ADGRV1: variants seen among roughly 807,000 people sequenced by gnomAD.
ADGRV1 encodes G-protein coupled receptor 98.
Under a neutral mutation model 596.2 loss-of-function variants are expected in ADGRV1, and 359 were observed. The ratio of observed to expected loss-of-function variants is 0.60; its 90% CI spans 0.55 to 0.66. The LOEUF is 0.66. Among genes scored for constraint, ADGRV1 ranks in the 30% least tolerant of loss-of-function variants. ADGRV1 has a pLI of 0.00. For missense variants in ADGRV1, 7,274 were observed against 7,575.6 expected (o/e 0.96, Z 1.48); for synonymous variants, 2,681 against 2,679.2 (o/e 1.00, Z -0.02).
rs1554139681 is a variant in ADGRV1 at position 90,863,778 on chromosome 5, C to T, written c.17777C>T (p.Ser5926Phe). ...ACAGGTCTTTGCTTGGCTGTTCTTT[C>T]CCATATCTTCTGTGCCAGGTACTCC... is the stretch of plus-strand genomic sequence containing the variant. Reference protein sequence around the residue: ...CISGLCLAVLSHIFCARYSMF... With the variant: ...CISGLCLAVLFHIFCARYSMF... Residue 5926 changes from serine to phenylalanine, a missense_variant, in exon 83 of 90, where the codon TCC (serine) becomes TTC (phenylalanine). By Grantham distance (155) the Ser-to-Phe change is radical. Transcript: ENST00000405460. 6.2e-7 allele frequency: 1 copy of T among 1,613,140 alleles called. No homozygotes were observed. The highest frequency in any genetic ancestry group is 1.1e-5 in the South Asian group (1 of 91,064).
At chr5:90,688,120 G>A (rs1483269956) in intron 29 of ADGRV1, among the ~76,000 whole-genome samples, 1 of 152,048 alleles carries the variant, frequency 6.6e-6, no homozygotes, top group Admixed American at 6.6e-5. Flanking sequence ...AAAGCTGGAG[G>A]CATCACGCTA....
chr5:90,777,138 T>C (rs1446496263), intron 61 of ADGRV1, among the ~76,000 whole-genome samples: 1 of 152,100 alleles, frequency 6.6e-6, no homozygotes, highest in African/African-American at 2.4e-5. Flanking sequence ...AACTTACAAT[T>C]ATGGCAGAAG....
At chr5:90,569,282 G>A (rs1239938847) in intron 1 of ADGRV1, among the ~76,000 whole-genome samples, 2 of 142,444 alleles carry the variant, frequency 1.4e-5, no homozygotes, top group Non-Finnish European at 3.0e-5. Flanking sequence ...TTCAGTATGA[G>A]TTTTGGAGAG....
intron 83 of ADGRV1, chr5:90,931,063 G>A (rs900111026): frequency 6.6e-6 from 1 of 152,208 alleles, no homozygotes; most frequent in Non-Finnish European, 1.5e-5. Context: ...AAGATTTGTA[G>A]ATTTTTTTAT....
rs75917359 is a variant in ADGRV1 at position 90,700,810 on chromosome 5, G to A, written c.8156-2855G>A. Among the ~76,000 whole-genome samples the A allele has an allele frequency of 5.9e-3, 892 of 151,898 alleles. 8 individuals carry two copies. The highest frequency in any genetic ancestry group is 8.9e-3 in the Non-Finnish European group (603 of 67,898). Reference sequence around the variant, plus strand: ...CATATTCCTATAATTGTTTTATCCCGTTTTCTTTTTTGTTATAGAGGGCAA... The same window carrying A: ...CATATTCCTATAATTGTTTTATCCCATTTTCTTTTTTGTTATAGAGGGCAA... On this transcript the variant is annotated intron_variant, in intron 34 of 89. Coordinates refer to ENST00000405460, the MANE Select transcript of ADGRV1 (RefSeq NM_032119.4).
At chr5:90,854,344 G>A (rs945102304) in intron 81 of ADGRV1, 143 bp downstream of exon 81, 5 of 591,204 alleles carry the variant, frequency 8.5e-6, no homozygotes, top group East Asian at 8.4e-5. Context: ...ATAAGAGGAA[G>A]CAGCATAGGA....
chr5:91,067,631 AATCTTT>A (rs1787999747), intron 85 of ADGRV1, among the ~76,000 whole-genome samples: 1 of 152,264 alleles, frequency 6.6e-6, no homozygotes, highest in Non-Finnish European at 1.5e-5. Context: ...CTCTGTACAA[AATCTTT>A]ATATTCCTAG....
chr5:90,753,550 C>T lies in ADGRV1; in HGVS notation c.11122-24C>T, dbSNP rs80057006. ...ATAGTGACAATTACAAAATAAATAACATCTTCTTTCTTTAAAATTCTAGAT... is the reference window on the plus strand; with the variant it reads ...ATAGTGACAATTACAAAATAAATAATATCTTCTTTCTTTAAAATTCTAGAT... On this transcript the variant is annotated intron_variant, in intron 53 of 89. Transcript: ENST00000405460. 0.011 allele frequency: 16,470 copies of T among 1,533,716 alleles called. 1,488 individuals are homozygous for T. In the African/African-American group the frequency reaches 0.2, roughly 18 times the overall value.
intron 76 of ADGRV1, among the ~76,000 whole-genome samples, chr5:90,828,444 A>C (rs2150318868): frequency 6.6e-6 from 1 of 152,266 alleles, no homozygotes; most frequent in African/African-American, 2.4e-5. Context: ...GTAGTTAAAA[A>C]AGAAAACTTT....
intron 89 of ADGRV1, among the ~76,000 whole-genome samples, chr5:91,162,287 G>T (rs1043693572): frequency 2.0e-5 from 3 of 152,154 alleles, no homozygotes; most frequent in African/African-American, 7.2e-5. Context: ...CAGTGGGGGG[G>T]TCAGAAATTT....
chr5:91,141,629 C>T (rs988820577), intron 87 of ADGRV1, among the ~76,000 whole-genome samples: 3 of 152,176 alleles, frequency 2.0e-5, no homozygotes, highest in Admixed American at 6.5e-5. Flanking sequence ...TAAATGCCTA[C>T]TCTTCACATA....
intron 17 of ADGRV1, among the ~76,000 whole-genome samples, chr5:90,651,113 G>A (rs940449484): frequency 6.6e-6 from 1 of 152,156 alleles, no homozygotes; most frequent in Non-Finnish European, 1.5e-5. Context: ...CTGCCTGAAG[G>A]CAGAGATGTA....
chr5:90,568,915 A>G (rs1214363688), intron 1 of ADGRV1, among the ~76,000 whole-genome samples: 1 of 152,108 alleles, frequency 6.6e-6, no homozygotes, highest in African/African-American at 2.4e-5. Context: ...ATTTTGTCCA[A>G]TATTAATGTC....
At chr5:90,668,243 T>G (rs898201394) in intron 21 of ADGRV1, among the ~76,000 whole-genome samples, 1 of 152,010 alleles carries the variant, frequency 6.6e-6, no homozygotes, top group Non-Finnish European at 1.5e-5. Context: ...CTCAGACTGC[T>G]GTGCTAGCAA....
At chr5:90,960,415 C>A (rs1562002977) in intron 83 of ADGRV1, among the ~76,000 whole-genome samples, 1 of 152,144 alleles carries the variant, frequency 6.6e-6, no homozygotes, top group Non-Finnish European at 1.5e-5. Context: ...GTACAGGATG[C>A]TTGCCGTGTT....
At chr5:90,968,805 G>C (rs544936969) in intron 84 of ADGRV1, among the ~76,000 whole-genome samples, 1 of 152,230 alleles carries the variant, frequency 6.6e-6, no homozygotes, top group Non-Finnish European at 1.5e-5. Flanking sequence ...ATAAAATTGA[G>C]AGAAGTTTTT....
chr5:91,012,459 C>T (rs1214238482), intron 85 of ADGRV1, among the ~76,000 whole-genome samples: 1 of 151,882 alleles, frequency 6.6e-6, no homozygotes, highest in East Asian at 1.9e-4. Context: ...AGAAGCCTTG[C>T]TTTATTTCCA....
chr5:90,683,967 G>A lies in ADGRV1; in HGVS notation c.6046G>A (p.Ala2016Thr). Residue 2016 changes from alanine to threonine, a missense_variant, in exon 28 of 90, where the codon GCA (alanine) becomes ACA (threonine). Ala to Thr is a moderately conservative substitution (Grantham distance 58). Transcript: ENST00000405460. The part of the protein sequence containing the change: ...GLMGKVLVSY[A>T]TLDDMEKPPY... ...CATGGGAAAAGTCCTTGTCTCATAT[G>A]CAACACTAGATGATATGGAAAAACC... 6 of 1,613,880 alleles carry A rather than the reference G, an allele frequency of 3.7e-6. No homozygotes were observed. The highest frequency in any genetic ancestry group is 5.1e-6 in the Non-Finnish European group (6 of 1,179,856).
intron 73 of ADGRV1, among the ~76,000 whole-genome samples, chr5:90,809,051 A>G (rs972513448): frequency 6.7e-6 from 1 of 149,142 alleles, no homozygotes; most frequent in East Asian, 2.0e-4. Flanking sequence ...GGTTCACGCC[A>G]TTCTCCTGCC....
Sources: gnomAD v4.1 joint callset for allele counts (sites outside exome capture counted in the v4.1 genomes callset) on GRCh38, gnomAD v4.1.1 for gene constraint, MANE v1.5 for transcripts, NCBI Gene and HGNC (gene_info 2026-07-23, HGNC 2026-07-21) for gene names.